ZCWPW2: variants seen among roughly 807,000 people sequenced by gnomAD.
ZCWPW2 encodes the protein zinc finger CW-type PWWP domain protein 2.
In ZCWPW2, 45 loss-of-function variants were observed where a neutral mutation model predicts 46.6. The ratio of observed to expected loss-of-function variants is 0.96; its 90% CI spans 0.76 to 1.24. ZCWPW2 has a LOEUF of 1.24. Among genes scored for constraint, ZCWPW2 ranks in the 50% most tolerant of loss-of-function variants. The pLI, the probability that ZCWPW2 is intolerant of heterozygous loss-of-function variation, is 0.00. For synonymous variants in ZCWPW2, 152 were observed against 137.1 expected (o/e 1.11, Z -0.76); for missense variants, 429 against 403.9 (o/e 1.06, Z -0.53).
At chr3:28,386,176 T>C (rs1225546826) in intron 1 of ZCWPW2, among the ~76,000 whole-genome samples, 1 of 152,120 alleles carries the variant, frequency 6.6e-6, no homozygotes, top group Non-Finnish European at 1.5e-5. Flanking sequence ...ATAAACGCGT[T>C]CATAAAGGTG....
intron 4 of ZCWPW2, chr3:28,447,700 C>T (rs1268338102): frequency 2.7e-5 from 13 of 483,846 alleles, no homozygotes; most frequent in South Asian, 1.3e-4. Flanking sequence ...CTAGCTTCCA[C>T]GAACGTTGTC....
chr3:28,395,065 A>G (rs191625558), intron 2 of ZCWPW2, among the ~76,000 whole-genome samples: 5 of 152,258 alleles, frequency 3.3e-5, no homozygotes, highest in Non-Finnish European at 4.4e-5. Context: ...GTAGCAAAAT[A>G]TCAGATAATT....
chr3:28,440,838 G>A (rs914271155), intron 4 of ZCWPW2, among the ~76,000 whole-genome samples: 65 of 152,322 alleles, frequency 4.3e-4, no homozygotes, highest in African/African-American at 1.5e-3. Flanking sequence ...TCCAGAGTAA[G>A]TGTCTAGTCC....
chr3:28,427,634 C>T (rs115782610), intron 3 of ZCWPW2, among the ~76,000 whole-genome samples: 2 of 152,152 alleles, frequency 1.3e-5, no homozygotes, highest in African/African-American at 4.8e-5. Context: ...TTTTGAGGGT[C>T]GTCTCTGTTT....
At chr3:28,522,997 G>C (rs1329636702) in intron 9 of ZCWPW2, among the ~76,000 whole-genome samples, 2 of 152,156 alleles carry the variant, frequency 1.3e-5, no homozygotes, top group Non-Finnish European at 2.9e-5. Context: ...AGCTTTTATA[G>C]GCACAGAATT....
At chr3:28,484,615 TATA>T (rs1245945476) in intron 5 of ZCWPW2, among the ~76,000 whole-genome samples, 1 of 152,128 alleles carries the variant, frequency 6.6e-6, no homozygotes, top group Non-Finnish European at 1.5e-5. Flanking sequence ...TGGGATTTGT[TATA>T]ATGTCTACCT....
intron 1 of ZCWPW2, among the ~76,000 whole-genome samples, chr3:28,352,313 C>CG (rs1223976273): frequency 9.2e-5 from 14 of 152,124 alleles, no homozygotes; most frequent in East Asian, 7.7e-4. Context: ...AAGGCTTTCC[C>CG]GGGGGGGTTA....
At chr3:28,508,499 A>T (rs957623419) in intron 6 of ZCWPW2, among the ~76,000 whole-genome samples, 3 of 151,696 alleles carry the variant, frequency 2.0e-5, no homozygotes, top group African/African-American at 7.3e-5. Flanking sequence ...CTCACTTTCA[A>T]CCTTTTTGTT....
At chr3:28,420,584 GTT>G (rs111363546) in intron 3 of ZCWPW2, among the ~76,000 whole-genome samples, 1 of 138,836 alleles carries the variant, frequency 7.2e-6, no homozygotes, top group African/African-American at 2.6e-5. Context: ...ACTTTATGTT[GTT>G]TTTTTTTTCA....
chr3:28,392,582 T>G (rs952512832), intron 2 of ZCWPW2, among the ~76,000 whole-genome samples: 1 of 152,124 alleles, frequency 6.6e-6, no homozygotes, highest in African/African-American at 2.4e-5. Context: ...AAAACGAGTC[T>G]TAACAAATTT....
intron 3 of ZCWPW2, among the ~76,000 whole-genome samples, chr3:28,434,082 A>G (rs1439753173): frequency 6.6e-6 from 1 of 152,146 alleles, no homozygotes; most frequent in Non-Finnish European, 1.5e-5. Context: ...TTAGTGCTAA[A>G]TTTGTTTTTA....
intron 2 of ZCWPW2, among the ~76,000 whole-genome samples, chr3:28,392,354 A>T (rs1695525294): frequency 6.6e-6 from 1 of 152,232 alleles, no homozygotes; most frequent in African/African-American, 2.4e-5. Context: ...AATAGACAGG[A>T]ATACAATAGT....
At chr3:28,412,659 ATGTGT>A (rs1384686673) in intron 2 of ZCWPW2, among the ~76,000 whole-genome samples, 2 of 152,058 alleles carry the variant, frequency 1.3e-5, no homozygotes, top group African/African-American at 4.8e-5. Flanking sequence ...TATATGAGCC[ATGTGT>A]ATAAAGCACT....
chr3:28,442,783 C>T (rs1697819132), intron 4 of ZCWPW2, among the ~76,000 whole-genome samples: 1 of 152,204 alleles, frequency 6.6e-6, no homozygotes, highest in African/African-American at 2.4e-5. Flanking sequence ...TATCTGTCTT[C>T]TGCACAGGCC....
chr3:28,348,996 C>T lies in ZCWPW2; in HGVS notation c.-341C>T. Reference sequence around the variant, plus strand: ...AGCTCTCAGCCGGAAAAGGGGCTGCCGCTGTCCGCGGGCTCGGCGCCAGGG... The same window carrying T: ...AGCTCTCAGCCGGAAAAGGGGCTGCTGCTGTCCGCGGGCTCGGCGCCAGGG... On this transcript the variant is annotated 5_prime_UTR_variant, in exon 1 of 10. Transcript: ENST00000383768. The T allele has an allele frequency of 1.0e-6, 1 of 985,816 alleles. No homozygotes were observed. Among genetic ancestry groups the T allele is most frequent in the Non-Finnish European group, 1.2e-6 (1 of 830,276 alleles). The allele number at this position is 985,816 out of a possible 1,614,324, so 61.1% of individuals were successfully genotyped here.
In ZCWPW2 at chr3:28,525,335, A is replaced by T. The variant is rs898834486; in HGVS notation, c.*647A>T. Among the ~76,000 whole-genome samples the T allele has an allele frequency of 6.6e-6, 1 of 152,146 alleles. No individual in the cohort carries two copies. Among genetic ancestry groups the T allele is most frequent in the East Asian group, 1.9e-4 (1 of 5,204 alleles). On this transcript the variant is annotated 3_prime_UTR_variant, in exon 10 of 10. Coordinates refer to ENST00000383768, the MANE Select transcript of ZCWPW2 (RefSeq NM_001040432.4). ...TTTGGAGGTATCATCAGGAAGATGG[A>T]AAAATGTAATTTAAAGTGTATAGAG...
intron 5 of ZCWPW2, among the ~76,000 whole-genome samples, chr3:28,481,379 G>T (rs1575186762): frequency 6.6e-6 from 1 of 152,002 alleles, no homozygotes; most frequent in East Asian, 1.9e-4. Flanking sequence ...GAGTAGCTGG[G>T]ATTACAGGTG....
intron 1 of ZCWPW2, among the ~76,000 whole-genome samples, chr3:28,374,737 T>C (rs976420684): frequency 6.6e-6 from 1 of 152,192 alleles, no homozygotes; most frequent in Non-Finnish European, 1.5e-5. Context: ...TTTGTAGATA[T>C]TGTAAATGGG....
chr3:28,482,237 A>G (rs1699451468), intron 5 of ZCWPW2, among the ~76,000 whole-genome samples: 1 of 152,218 alleles, frequency 6.6e-6, no homozygotes, highest in African/African-American at 2.4e-5. Flanking sequence ...TCATATGGTT[A>G]GAATCATATG....
Sources: gnomAD v4.1 joint callset for allele counts (sites outside exome capture counted in the v4.1 genomes callset) on GRCh38, gnomAD v4.1.1 for gene constraint, MANE v1.5 for transcripts, NCBI Gene and HGNC (gene_info 2026-07-23, HGNC 2026-07-21) for gene names.